RCAN2: variants seen among roughly 807,000 people sequenced by gnomAD.
RCAN2 encodes calcipressin-2.
In RCAN2, 9 loss-of-function variants were observed where a neutral mutation model predicts 23.6. That is an observed-to-expected ratio of 0.38 (90% CI 0.23 to 0.67). The LOEUF is 0.67. Among genes scored for constraint, RCAN2 ranks in the 30% least tolerant of loss-of-function variants. RCAN2 has a pLI of 0.51. For synonymous variants in RCAN2, 109 were observed against 115.7 expected, an observed-to-expected ratio of 0.94 and a Z score of 0.37; for missense variants, 273 against 302.3, an observed-to-expected ratio of 0.90 and a Z score of 0.72.
At chr6:46,409,542 T>C (rs1373790848) in intron 2 of RCAN2, among the ~76,000 whole-genome samples, 1 of 152,172 alleles carries the variant, frequency 6.6e-6, no homozygotes, top group Non-Finnish European at 1.5e-5. Flanking sequence ...GCATCTGCAG[T>C]TTGCAACCAT....
chr6:46,342,732 G>A (rs1049911021), intron 2 of RCAN2, among the ~76,000 whole-genome samples: 1 of 151,660 alleles, frequency 6.6e-6, no homozygotes, highest in Non-Finnish European at 1.5e-5. Flanking sequence ...TGGTGTAGTT[G>A]TGGGAGAAAG....
intron 2 of RCAN2, among the ~76,000 whole-genome samples, chr6:46,359,742 C>T (rs1024375364): frequency 6.6e-5 from 10 of 152,148 alleles, no homozygotes; most frequent in Non-Finnish European, 1.0e-4. Context: ...AATGAGTAAA[C>T]GAATATTAAC....
intron 2 of RCAN2, among the ~76,000 whole-genome samples, chr6:46,319,313 G>T (rs190561562): frequency 2.0e-4 from 31 of 152,252 alleles, no homozygotes; most frequent in Admixed American, 1.2e-3. Flanking sequence ...CTGATAGTTG[G>T]ACTCAAACAG....
At chr6:46,322,588 A>C (rs1763652989) in intron 2 of RCAN2, among the ~76,000 whole-genome samples, 1 of 152,246 alleles carries the variant, frequency 6.6e-6, no homozygotes, top group South Asian at 2.1e-4. Context: ...ATACTTATGA[A>C]GGAGGCCTGC....
intron 2 of RCAN2, among the ~76,000 whole-genome samples, chr6:46,275,276 T>C (rs1255071944): frequency 1.3e-5 from 2 of 152,144 alleles, no homozygotes; most frequent in Non-Finnish European, 2.9e-5. Context: ...GCTAAGATTA[T>C]ATTCTTATGA....
intron 1 of RCAN2, among the ~76,000 whole-genome samples, chr6:46,475,386 T>C (rs938312348): frequency 1.1e-4 from 16 of 152,184 alleles, no homozygotes; most frequent in African/African-American, 3.1e-4. Context: ...TGAATTGTTA[T>C]GTCCATTGCA....
chr6:46,477,200 A>G (rs1768739482), intron 1 of RCAN2, among the ~76,000 whole-genome samples: 1 of 152,164 alleles, frequency 6.6e-6, no homozygotes, highest in African/African-American at 2.4e-5. Context: ...CTGGTACTAA[A>G]TGATACATGG....
intron 2 of RCAN2, among the ~76,000 whole-genome samples, chr6:46,331,494 AG>A (rs565377341): frequency 7.2e-5 from 11 of 152,218 alleles, no homozygotes; most frequent in Non-Finnish European, 1.6e-4. Flanking sequence ...GCCCATCTTT[AG>A]CTAGTGGGAG....
chr6:46,265,649 T>G (rs931264366), intron 2 of RCAN2, among the ~76,000 whole-genome samples: 6 of 152,204 alleles, frequency 3.9e-5, no homozygotes, highest in African/African-American at 1.2e-4. Context: ...TGGAGAGACG[T>G]GACAGTCCTC....
Position 46,428,498 on chromosome 6 carries a change from T to A in RCAN2, c.225+28254A>T, listed in dbSNP as rs116819578. Among the ~76,000 whole-genome samples the A allele has an allele frequency of 1.0e-3, 157 of 152,358 alleles. 1 individual carries two copies. Among genetic ancestry groups the A allele is most frequent in the African/African-American group, 3.6e-3 (148 of 41,592 alleles). On this transcript the variant is annotated intron_variant, in intron 2 of 4. Coordinates refer to ENST00000371374, the MANE Select transcript of RCAN2 (RefSeq NM_001251974.2). ...ACATAGTTGGAACTCAATAAATATC[T>A]GCTAAATGAATAAATAAATGATCTG...
At chr6:46,406,462 T>C (rs1004527218) in intron 2 of RCAN2, among the ~76,000 whole-genome samples, 1 of 152,242 alleles carries the variant, frequency 6.6e-6, no homozygotes, top group Non-Finnish European at 1.5e-5. Context: ...TTTCTTAGGG[T>C]TCAAATGTGT....
Position 46,228,313 on chromosome 6 carries a change from C to T in RCAN2, c.572-5012G>A, listed in dbSNP as rs146963531. On this transcript the variant is annotated intron_variant, in intron 4 of 4. Coordinates refer to ENST00000371374, the MANE Select transcript of RCAN2 (RefSeq NM_001251974.2). ...GGTCTGCTTGGTGCAGAGCTGAATTCTATTCCTGGATATCCTTGTTAACTT... is the reference window on the plus strand; with the variant it reads ...GGTCTGCTTGGTGCAGAGCTGAATTTTATTCCTGGATATCCTTGTTAACTT... 9.8e-3 allele frequency among the ~76,000 whole-genome samples: 1,489 copies of T among 152,254 alleles called. 19 individuals are homozygous for T. The highest frequency in any genetic ancestry group is 0.014 in the Non-Finnish European group (919 of 68,022).
chr6:46,472,208 C>G (rs575220092), intron 1 of RCAN2, among the ~76,000 whole-genome samples: 2 of 152,162 alleles, frequency 1.3e-5, no homozygotes, highest in Admixed American at 6.5e-5. Context: ...GCTTTTGGGC[C>G]AGCTTGGGGA....
chr6:46,360,376 C>CA (rs1017461727), intron 2 of RCAN2, among the ~76,000 whole-genome samples: 17 of 150,574 alleles, frequency 1.1e-4, no homozygotes, highest in African/African-American at 9.8e-5. Flanking sequence ...ACTAAAAATA[C>CA]AAAAAAAATT....
intron 1 of RCAN2, among the ~76,000 whole-genome samples, chr6:46,478,944 G>A (rs760799823): frequency 2.0e-5 from 3 of 152,226 alleles, no homozygotes; most frequent in Non-Finnish European, 4.4e-5. Context: ...ATACAACTGT[G>A]AGTTATCAGA....
intron 4 of RCAN2, among the ~76,000 whole-genome samples, chr6:46,230,798 G>A (rs1458052683): frequency 6.6e-6 from 1 of 152,130 alleles, no homozygotes; most frequent in African/African-American, 2.4e-5. Flanking sequence ...GATGAACCTG[G>A]TACCTCAGTT....
intron 2 of RCAN2, among the ~76,000 whole-genome samples, chr6:46,425,322 T>A (rs538905894): frequency 9.7e-4 from 148 of 152,306 alleles, no homozygotes; most frequent in Non-Finnish European, 1.9e-3. Context: ...AGCAATGACA[T>A]CACCACACAT....
intron 2 of RCAN2, chr6:46,438,625 C>A (rs1397535271): frequency 6.6e-6 from 1 of 152,244 alleles, no homozygotes; most frequent in Non-Finnish European, 1.5e-5. Context: ...ACTGAACTGC[C>A]TCCTCGCTCT....
In RCAN2 at chr6:46,377,193, C is replaced by T. The variant is rs181455582; in HGVS notation, c.225+79559G>A. On this transcript the variant is annotated intron_variant, in intron 2 of 4. Transcript: ENST00000371374. The stretch of plus-strand genomic sequence containing the variant: ...GGGTGGGGGCAAAACACAGTCTCCC[C>T]CAGCTGGATGCTCAAGGTAACCTAC... 1.1e-3 allele frequency among the ~76,000 whole-genome samples: 168 copies of T among 152,274 alleles called. 1 individual carries two copies. The highest frequency in any genetic ancestry group is 3.9e-3 in the African/African-American group (161 of 41,546).
Sources: gnomAD v4.1 joint callset for allele counts (sites outside exome capture counted in the v4.1 genomes callset) on GRCh38, gnomAD v4.1.1 for gene constraint, MANE v1.5 for transcripts, NCBI Gene and HGNC (gene_info 2026-07-23, HGNC 2026-07-21) for gene names.